Variants in MYO5A observed in about 807,000 individuals in gnomAD.
MYO5A encodes the protein myosin VA, also known as unconventional myosin-Va.
In MYO5A, 98 loss-of-function variants were observed where a neutral mutation model predicts 249.7. The observed-to-expected ratio is 0.39, with a 90% CI of 0.33 to 0.46. The LOEUF is 0.46. Ranked by LOEUF, MYO5A falls within the 20% of genes least tolerant of loss-of-function variation. The probability of loss-of-function intolerance (pLI) is 0.98; values close to 1 mark genes in which losing one functional copy is unlikely to be tolerated. For missense variants in MYO5A, 1,696 were observed against 2,308.8 expected (o/e 0.73, Z 5.44); for synonymous variants, 778 against 810.6 (o/e 0.96, Z 0.68).
chr15:52,528,907 G>T, upstream of MYO5A: 1 of 1,187,796 alleles, frequency 8.4e-7, no homozygotes, highest in Non-Finnish European at 1.1e-6. Flanking sequence ...CGCCGGCAGG[G>T]AGCAGGGCAG....
At chr15:52,426,433 G>T (rs1196913819) in intron 3 of MYO5A, among the ~76,000 whole-genome samples, 1 of 151,346 alleles carries the variant, frequency 6.6e-6, no homozygotes, top group Admixed American at 6.6e-5. Flanking sequence ...ACATCCATAT[G>T]ATAGACTACT....
chr15:52,429,758 T>C (rs1006519584), intron 2 of MYO5A, among the ~76,000 whole-genome samples: 1 of 152,070 alleles, frequency 6.6e-6, no homozygotes, highest in Non-Finnish European at 1.5e-5. Context: ...TCCCAAAAGT[T>C]AACAAGTACT....
intron 2 of MYO5A, among the ~76,000 whole-genome samples, chr15:52,430,428 C>T (rs2140962): frequency 0.15 from 22,889 of 152,150 alleles, 1,825 homozygotes; most frequent in Middle Eastern, 0.22. Context: ...CAGAAATTTC[C>T]TTCTTGGAGT....
intron 1 of MYO5A, among the ~76,000 whole-genome samples, chr15:52,459,833 GC>G (rs1016232903): frequency 1.3e-5 from 2 of 150,680 alleles, no homozygotes; most frequent in Non-Finnish European, 3.0e-5. Flanking sequence ...GGGCAGAGGG[GC>G]CCCCGATCTC....
chr15:52,412,586 G>A (rs2043297198), intron 5 of MYO5A, among the ~76,000 whole-genome samples: 1 of 152,146 alleles, frequency 6.6e-6, no homozygotes, highest in African/African-American at 2.4e-5. Context: ...TTGATTCTAA[G>A]TTCTGAAACT....
At chr15:52,319,383 G>C (rs1244420310) in intron 38 of MYO5A, 41 bp from the exon 39 acceptor site, 1 of 1,598,022 alleles carries the variant, frequency 6.3e-7, no homozygotes, top group Non-Finnish European at 8.6e-7. Context: ...TGATGTGGAA[G>C]GGAACCTTTC....
chr15:52,393,057 G>C (rs7171999), intron 11 of MYO5A, among the ~76,000 whole-genome samples: 22,990 of 152,076 alleles, frequency 0.15, 5,445 homozygotes, highest in African/African-American at 0.51. Context: ...CTGTTTCAGG[G>C]TGCTGCCCAG....
At chr15:52,482,406 A>G (rs2076733242) in intron 1 of MYO5A, among the ~76,000 whole-genome samples, 2 of 152,176 alleles carry the variant, frequency 1.3e-5, no homozygotes, top group Non-Finnish European at 2.9e-5. Context: ...GGATAGCCAG[A>G]GCTGGGAAAA....
Position 52,387,905 on chromosome 15 carries a change from T to C in MYO5A, c.1676A>G (p.Tyr559Cys). ...IIQHFADKVE[Y>C]QCEGFLEKNK... ...CTTTTCGAGAAATCCTTCACACTGG[T>C]ATTCCACCTGAAAACACATGGAAAA... is the stretch of plus-strand genomic sequence containing the variant. The change falls in exon 14 of 42, where the codon TAC (tyrosine) becomes TGC (cysteine). Residue 559 changes from tyrosine to cysteine, a missense_variant. By Grantham distance (194) the Tyr-to-Cys change is radical (BLOSUM62 -2). Transcript: ENST00000399233. 1 of 1,609,886 alleles carries C rather than the reference T, an allele frequency of 6.2e-7. No individual in the cohort carries two copies. Among genetic ancestry groups the C allele is most frequent in the Non-Finnish European group, 8.5e-7 (1 of 1,176,934 alleles).
rs145871190 is a variant in MYO5A at position 52,405,765 on chromosome 15, T to C, written c.947-372A>G. Among the ~76,000 whole-genome samples the C allele has an allele frequency of 2.2e-3, 340 of 152,338 alleles. 2 individuals carry two copies. The highest frequency in any genetic ancestry group is 7.9e-3 in the African/African-American group (327 of 41,576). The stretch of plus-strand genomic sequence containing the variant: ...TAAATGAGATTAAATGCACATAGCA[T>C]ACTTAATACACGACATGACACACAG... On this transcript the variant is annotated intron_variant, in intron 8 of 41. Transcript: ENST00000399233.
At chr15:52,525,247 T>C (rs1033552885) in intron 1 of MYO5A, among the ~76,000 whole-genome samples, 13 of 152,198 alleles carry the variant, frequency 8.5e-5, no homozygotes, top group African/African-American at 1.4e-4. Context: ...CCAAAAACCA[T>C]TGAATAGTAC....
chr15:52,401,515 C>G (rs1021893990), intron 9 of MYO5A, among the ~76,000 whole-genome samples: 2 of 152,164 alleles, frequency 1.3e-5, no homozygotes, highest in African/African-American at 4.8e-5. Context: ...GCTTTTATAG[C>G]TGCAGCTGGG....
At chr15:52,327,796 C>A in intron 36 of MYO5A, 56 bp downstream of exon 36, 1 of 1,507,510 alleles carries the variant, frequency 6.6e-7, no homozygotes, top group Non-Finnish European at 9.2e-7. Context: ...TCAATCAGTG[C>A]AGATTCTGTC....
chr15:52,334,169 A>C (rs2039013218), intron 34 of MYO5A, among the ~76,000 whole-genome samples: 1 of 152,374 alleles, frequency 6.6e-6, no homozygotes, highest in African/African-American at 2.4e-5. Context: ...AAAATAGTCT[A>C]ACCCATCTCT....
At chr15:52,432,510 C>A (rs1474390972) in intron 2 of MYO5A, among the ~76,000 whole-genome samples, 1 of 152,176 alleles carries the variant, frequency 6.6e-6, no homozygotes, top group Admixed American at 6.5e-5. Flanking sequence ...CTTCAAATTC[C>A]AAAAGCCACT....
At position 52,372,348 on chromosome 15, in the gene MYO5A, T is replaced by G; in HGVS notation, c.2593A>C (p.Lys865Gln). ...NRYRKILREH[K>Q]AVIIQKRVRG... Reference sequence around the variant, plus strand: ...ACTCGCTTCTGAATGATGACTGCTTTGTGCTCACGGAGTATCTGCAGAAAA... The same window carrying G: ...ACTCGCTTCTGAATGATGACTGCTTGGTGCTCACGGAGTATCTGCAGAAAA... The change falls in exon 21 of 42, where the codon AAA (lysine) becomes CAA (glutamine). Residue 865 changes from lysine (K) to glutamine (Q), a missense_variant. By Grantham distance (53) the Lys-to-Gln change is moderately conservative. Coordinates refer to ENST00000399233, the MANE Select transcript of MYO5A (RefSeq NM_001382347.1). 6.2e-7 allele frequency: 1 copy of G among 1,602,802 alleles called. No homozygotes were observed. The highest frequency in any genetic ancestry group is 8.5e-7 in the Non-Finnish European group (1 of 1,179,944).
chr15:52,416,799 G>T (rs868408373), intron 4 of MYO5A, among the ~76,000 whole-genome samples: 28 of 152,272 alleles, frequency 1.8e-4, no homozygotes, highest in African/African-American at 6.5e-4. Flanking sequence ...TAGAGAAACA[G>T]GGTCTTCACA....
chr15:52,499,905 G>A (rs1439702623), intron 1 of MYO5A, among the ~76,000 whole-genome samples: 1 of 151,998 alleles, frequency 6.6e-6, no homozygotes, highest in African/African-American at 2.4e-5. Context: ...TTAGGGGGCC[G>A]GGCACAGTAG....
At chr15:52,446,181 G>A (rs1437571055) in intron 1 of MYO5A, among the ~76,000 whole-genome samples, 1 of 152,230 alleles carries the variant, frequency 6.6e-6, no homozygotes, top group African/African-American at 2.4e-5. Flanking sequence ...GGCCTAGGAG[G>A]ACATTATGGT....
Sources: allele counts gnomAD v4.1 joint callset (sites outside exome capture counted in the v4.1 genomes callset), GRCh38; gene constraint gnomAD v4.1.1; transcripts MANE v1.5; gene names NCBI Gene and HGNC (gene_info 2026-07-23, HGNC 2026-07-21).